The following ASTN2 variants were observed in gnomAD, a reference collection of about 807,000 sequenced individuals.
ASTN2 encodes astrotactin 2.
Under a neutral mutation model 139.8 loss-of-function variants are expected in ASTN2, and 54 were observed. That is an observed-to-expected ratio of 0.39 (90% confidence interval 0.31 to 0.48). The LOEUF (loss-of-function observed/expected upper bound fraction) is 0.48, where lower values mean the gene tolerates loss of function less well. Ranked by LOEUF, ASTN2 falls within the 20% of genes least tolerant of loss-of-function variation. The probability of loss-of-function intolerance (pLI) is 0.95; values close to 1 mark genes in which losing one functional copy is unlikely to be tolerated. For synonymous variants in ASTN2, 756 were observed against 719.5 expected (o/e 1.05, Z -0.81); for missense variants, 1,565 against 1,725.1 (o/e 0.91, Z 1.64).
intron 1 of ASTN2, among the ~76,000 whole-genome samples, chr9:117,298,138 T>C (rs2130794704): frequency 6.6e-6 from 1 of 152,334 alleles, no homozygotes; most frequent in East Asian, 1.9e-4. Flanking sequence ...CTACTATCCC[T>C]CATAATAAAA....
chr9:116,440,865 T>C (rs1377428825), intron 21 of ASTN2, 73 bp from the exon 22 acceptor site: 9 of 1,458,194 alleles, frequency 6.2e-6, no homozygotes, highest in Non-Finnish European at 8.5e-6. Context: ...TGGGCTTCAA[T>C]AAGAAAGGCA....
At chr9:117,175,266 G>C (rs1310287493) in intron 3 of ASTN2, among the ~76,000 whole-genome samples, 1 of 152,092 alleles carries the variant, frequency 6.6e-6, no homozygotes, top group African/African-American at 2.4e-5. Flanking sequence ...TATATGTATA[G>C]ATAAAATGTT....
At chr9:116,682,046 G>A (rs1428937743) in intron 16 of ASTN2, among the ~76,000 whole-genome samples, 1 of 151,642 alleles carries the variant, frequency 6.6e-6, no homozygotes, top group East Asian at 1.9e-4. Flanking sequence ...AAACTAAAGA[G>A]CTTCTGCACA....
chr9:116,903,115 T>C (rs950763952), intron 10 of ASTN2, among the ~76,000 whole-genome samples: 1 of 152,100 alleles, frequency 6.6e-6, no homozygotes, highest in African/African-American at 2.4e-5. Flanking sequence ...CTCCTCCTCC[T>C]TTTTATTTGC....
At chr9:116,706,400 C>T (rs770459264) in intron 16 of ASTN2, among the ~76,000 whole-genome samples, 3 of 152,036 alleles carry the variant, frequency 2.0e-5, no homozygotes, top group Non-Finnish European at 4.4e-5. Flanking sequence ...TCAAATGCTT[C>T]CACCTTTGTG....
At chr9:116,868,363 T>A (rs1833070755) in intron 10 of ASTN2, among the ~76,000 whole-genome samples, 1 of 152,162 alleles carries the variant, frequency 6.6e-6, no homozygotes, top group African/African-American at 2.4e-5. Context: ...TGCACTCGAA[T>A]CTGCCTGACC....
At chr9:116,897,036 A>C (rs1833896228) in intron 10 of ASTN2, among the ~76,000 whole-genome samples, 1 of 152,178 alleles carries the variant, frequency 6.6e-6, no homozygotes, top group South Asian at 2.1e-4. Flanking sequence ...TGAAGGGGCA[A>C]GAAATGTGGC....
intron 1 of ASTN2, among the ~76,000 whole-genome samples, chr9:117,350,079 T>C (rs1241450536): frequency 1.3e-5 from 2 of 152,184 alleles, no homozygotes; most frequent in Non-Finnish European, 2.9e-5. Context: ...TAATGTAAGA[T>C]GGTAACATTA....
At chr9:117,087,194 TC>T (rs1564419622) in intron 5 of ASTN2, among the ~76,000 whole-genome samples, 1 of 151,548 alleles carries the variant, frequency 6.6e-6, no homozygotes, top group Non-Finnish European at 1.5e-5. Context: ...ATTGTTTTTT[TC>T]TTTTCCTTTT....
chr9:117,194,489 G>C (rs1831436795), intron 3 of ASTN2, among the ~76,000 whole-genome samples: 1 of 152,202 alleles, frequency 6.6e-6, no homozygotes, highest in Non-Finnish European at 1.5e-5. Context: ...TAATGACAAT[G>C]TGTATTATTT....
intron 2 of ASTN2, chr9:117,276,977 C>G (rs979982667): frequency 1.3e-5 from 2 of 152,216 alleles, no homozygotes; most frequent in Admixed American, 1.3e-4. Context: ...TTTCGATGAA[C>G]TGTAGGTGGA....
At chr9:117,256,177 T>G (rs536615376) in intron 2 of ASTN2, among the ~76,000 whole-genome samples, 1 of 152,236 alleles carries the variant, frequency 6.6e-6, no homozygotes, top group South Asian at 2.1e-4. Flanking sequence ...AGAGCTCAAC[T>G]CATGTTCAGC....
chr9:116,600,387 C>T (rs1433893481), intron 19 of ASTN2, among the ~76,000 whole-genome samples: 2 of 151,768 alleles, frequency 1.3e-5, no homozygotes, highest in African/African-American at 2.4e-5. Flanking sequence ...ACTACTCAGC[C>T]ATTCTTCCTG....
intron 2 of ASTN2, among the ~76,000 whole-genome samples, chr9:117,273,682 C>A (rs1024444301): frequency 4.6e-5 from 7 of 152,178 alleles, no homozygotes; most frequent in Non-Finnish European, 8.8e-5. Context: ...ATGCCACCTG[C>A]TCTAATATAT....
intron 1 of ASTN2, among the ~76,000 whole-genome samples, chr9:117,346,010 C>CAAAAAAAAAAAAAAA (rs35773511): frequency 2.1e-4 from 19 of 92,324 alleles, no homozygotes; most frequent in African/African-American, 4.6e-4. Context: ...AACTAAGAGG[C>CAAAAAAAAAAAAAAA]AAAAAAAAAA....
chr9:117,299,782 A>T (rs1834831211), intron 1 of ASTN2, among the ~76,000 whole-genome samples: 2 of 152,198 alleles, frequency 1.3e-5, no homozygotes, highest in Admixed American at 1.3e-4. Flanking sequence ...GACAAGGTGG[A>T]TGGACTGATG....
chr9:116,866,785 C>T (rs1179667947), intron 10 of ASTN2, among the ~76,000 whole-genome samples: 1 of 150,496 alleles, frequency 6.6e-6, no homozygotes, highest in Non-Finnish European at 1.5e-5. Context: ...CCCAGTTACT[C>T]GGGAGGCTGA....
chr9:117,268,040 T>G (rs558035420), intron 2 of ASTN2, among the ~76,000 whole-genome samples: 15 of 152,222 alleles, frequency 9.9e-5, no homozygotes, highest in African/African-American at 3.6e-4. Flanking sequence ...TGCTGTAAAA[T>G]GTTAAAAAGC....
At chr9:116,758,870 T>C (rs2132165077) in intron 13 of ASTN2, among the ~76,000 whole-genome samples, 1 of 152,254 alleles carries the variant, frequency 6.6e-6, no homozygotes, top group East Asian at 1.9e-4. Context: ...ACATGTTGGA[T>C]AAATAAGCCA....
Sources: allele counts gnomAD v4.1 joint callset (sites outside exome capture counted in the v4.1 genomes callset), GRCh38; gene constraint gnomAD v4.1.1; transcripts MANE v1.5; gene names NCBI Gene and HGNC (gene_info 2026-07-23, HGNC 2026-07-21).